Variants in RIF1 observed in about 807,000 individuals in gnomAD.
RIF1 encodes telomere-associated protein RIF1.
Under a neutral mutation model 247.1 loss-of-function variants are expected in RIF1, and 45 were observed. The observed-to-expected ratio is 0.18, with a 90% CI of 0.14 to 0.23. The LOEUF is 0.23. Ranked by LOEUF, RIF1 falls within the 10% of genes least tolerant of loss-of-function variation. RIF1 has a pLI of 1.00. For synonymous variants in RIF1, 1,087 were observed against 978.8 expected (o/e 1.11, Z -2.06); for missense variants, 2,967 against 2,862.5 (o/e 1.04, Z -0.83).
In RIF1 at chr2:151,481,041, G is replaced by A. The variant is rs543704476; in HGVS notation, c.*5970G>A. On this transcript the variant is annotated 3_prime_UTR_variant, in exon 36 of 36. Transcript: ENST00000444746. ...AGTATCCAGAAATAAAGTTTTATTG[G>A]AACAGCTGTGCTTATTGTCTTTAGC... 201 of 152,260 alleles carry A rather than the reference G, an allele frequency of 1.3e-3. 2 individuals are homozygous for A. Among genetic ancestry groups the A allele is most frequent in the African/African-American group, 4.7e-3 (195 of 41,546 alleles). The allele number at this position is 152,260 out of a possible 1,614,324, so 9.4% of individuals were successfully genotyped here. A position where few individuals can be genotyped will look rare whatever the true frequency, so the allele number is the denominator to read the frequency against.
At chr2:151,451,868 C>T (rs1266587035) in intron 21 of RIF1, among the ~76,000 whole-genome samples, 163 bp downstream of exon 21, 1 of 152,130 alleles carries the variant, frequency 6.6e-6, no homozygotes, top group East Asian at 1.9e-4. Context: ...TGTTCTCTCT[C>T]TTTTTTCTTT....
chr2:151,515,493 G>T, the RIF1 span, among the ~76,000 whole-genome samples: 1 of 152,084 alleles, frequency 6.6e-6, no homozygotes, highest in Non-Finnish European at 1.5e-5. Flanking sequence ...GACTACAGGT[G>T]TATGCCACCA....
chr2:151,440,088 C>A lies in RIF1; in HGVS notation c.1608C>A (p.Ser536Arg). 6.3e-7 allele frequency: 1 copy of A among 1,596,650 alleles called. No homozygotes were observed. Residue 536 changes from serine (S) to arginine (R), a missense_variant, in exon 15 of 36, where the codon AGC becomes AGA. Physicochemically the swap from Ser to Arg is moderately radical, Grantham distance 110. Transcript: ENST00000444746. The part of the protein sequence containing the change: ...VLTLLLKSLE[S>R]IVKSEVFPVS... ...CTCTCTTATTAAAGTCTTTGGAAAG[C>A]ATAGTAAAGTCTGAAGTATTTCCTG... is the stretch of plus-strand genomic sequence containing the variant.
Position 151,437,305 on chromosome 2 carries a change from C to T in RIF1, c.1437C>T (p.Ile479=). The T allele has an allele frequency of 6.2e-7, 1 of 1,613,964 alleles. No homozygotes were observed. Among genetic ancestry groups the T allele is most frequent in the African/African-American group, 1.3e-5 (1 of 75,024 alleles). The change falls in exon 13 of 36, where the codon ATC becomes ATT. Residue 479 remains isoleucine (I), a synonymous_variant. Transcript: ENST00000444746. The stretch of plus-strand genomic sequence containing the variant: ...TTTCCAAACATGCAAATACACTTAT[C>T]ACTGCTGTTCATGATAGCTTTGTTG... The part of the protein sequence containing the change: ...SFFSKHANTL[I]TAVHDSFVAV...
intron 9 of RIF1, among the ~76,000 whole-genome samples, chr2:151,432,085 T>C (rs1407668627): frequency 6.6e-6 from 1 of 152,150 alleles, no homozygotes; most frequent in African/African-American, 2.4e-5. Flanking sequence ...CTCAGCTCAC[T>C]GCAACCTCTG....
At chr2:151,426,319 C>T (rs13398484) in intron 8 of RIF1, among the ~76,000 whole-genome samples, 196 of 150,900 alleles carry the variant, frequency 1.3e-3, no homozygotes, top group Middle Eastern at 3.6e-3. Context: ...AGACTGCAGG[C>T]GCACGCCACC....
At chr2:151,469,504 A>G (rs534176126) in intron 33 of RIF1, among the ~76,000 whole-genome samples, 2 of 152,156 alleles carry the variant, frequency 1.3e-5, no homozygotes, top group African/African-American at 2.4e-5. Flanking sequence ...CAGTGGGCTC[A>G]TTCAGTTGCC....
chr2:151,416,944 A>T (rs1573861278), intron 6 of RIF1, 43 bp downstream of exon 6: 1 of 1,474,520 alleles, frequency 6.8e-7, no homozygotes. Flanking sequence ...TAGTTTTCAT[A>T]AATTTAGCTG....
At chr2:151,495,117 C>T (rs2152907042) in intron 9 of RIF1, 1 of 152,332 alleles carries the variant, frequency 6.6e-6, no homozygotes. Context: ...TTCAGCTTAT[C>T]ATTAAGGAAT....
In RIF1 at chr2:151,409,969, G is replaced by C. The variant is rs555680269; in HGVS notation, c.-75G>C. On this transcript the variant is annotated 5_prime_UTR_variant, in exon 1 of 36. Coordinates refer to ENST00000444746, the MANE Select transcript of RIF1 (RefSeq NM_018151.5). ...GTAAACAGCCGGAGCTGGGAAAGTC[G>C]AGCTCTGGCAGCGTCTGGGTGCTGA... 1.0e-4 allele frequency: 71 copies of C among 702,002 alleles called. 1 individual carries two copies. Among genetic ancestry groups the C allele is most frequent in the South Asian group, 9.5e-4 (64 of 67,152 alleles). The allele number at this position is 702,002 out of a possible 1,614,324, so 43.5% of individuals were successfully genotyped here. A position where few individuals can be genotyped will look rare whatever the true frequency, so the allele number is the denominator to read the frequency against.
At chr2:151,417,067 T>A (rs74733113) in intron 6 of RIF1, among the ~76,000 whole-genome samples, 166 bp downstream of exon 6, 29 of 152,304 alleles carry the variant, frequency 1.9e-4, no homozygotes, top group African/African-American at 7.0e-4. Context: ...GAAGTAGATA[T>A]GTGTGGGTTA....
intron 23 of RIF1, 140 bp from the exon 24 acceptor site, chr2:151,457,621 T>A (rs1574095886): frequency 1.7e-6 from 1 of 604,898 alleles, no homozygotes; most frequent in East Asian, 2.8e-5. Context: ...ATTTGTCGAG[T>A]TATAAAGAGG....
At position 151,463,104 on chromosome 2, in the gene RIF1, T is replaced by C. The variant is rs751292012; in HGVS notation, c.3584T>C (p.Phe1195Ser). 3.1e-6 allele frequency: 5 copies of C among 1,614,058 alleles called. No homozygotes were observed. The highest frequency in any genetic ancestry group is 2.2e-5 in the East Asian group (1 of 44,872). ...TGTGCATCTAGTACAGAAAATTCTT[T>C]CGTTGTCAGCAGTAGTTCAGTTTCT... is the stretch of plus-strand genomic sequence containing the variant. ...TECASSTENS[F>S]VVSSSSVSNT... Residue 1195 changes from phenylalanine (F) to serine (S), a missense_variant, in exon 30 of 36, where the codon TTC (phenylalanine) becomes TCC (serine). Coordinates refer to ENST00000444746, the MANE Select transcript of RIF1 (RefSeq NM_018151.5).
At chr2:151,488,537 T>A (rs2053168988) in intron 9 of RIF1, among the ~76,000 whole-genome samples, 1 of 151,840 alleles carries the variant, frequency 6.6e-6, no homozygotes, top group Non-Finnish European at 1.5e-5. Context: ...TCCTAGCTAT[T>A]CTGGTGGCTG....
chr2:151,525,706 A>T, the RIF1 span, among the ~76,000 whole-genome samples: 2 of 152,202 alleles, frequency 1.3e-5, no homozygotes, highest in Non-Finnish European at 2.9e-5. Flanking sequence ...TTCTGTTATT[A>T]ATAGGTTAGT....
the RIF1 span, chr2:151,531,817 G>A: frequency 5.0e-6 from 8 of 1,612,570 alleles, no homozygotes; most frequent in Non-Finnish European, 6.8e-6. Flanking sequence ...GTTGACTTTT[G>A]TAGTACGCAG....
intron 35 of RIF1, 101 bp from the exon 36 acceptor site, chr2:151,474,756 C>G (rs915834668): frequency 2.8e-6 from 2 of 707,216 alleles, no homozygotes; most frequent in African/African-American, 3.6e-5. Flanking sequence ...CCTGCTCTCT[C>G]AATTTGAAAC....
Position 151,468,100 on chromosome 2 carries a change from C to A in RIF1, c.6701C>A (p.Ser2234Tyr). The A allele has an allele frequency of 6.2e-7, 1 of 1,613,312 alleles. No individual in the cohort carries two copies. Among genetic ancestry groups the A allele is most frequent in the Non-Finnish European group, 8.5e-7 (1 of 1,179,512 alleles). ...SIVRSHSSNS[S>Y]PIGKSVKTSP... Reference sequence around the variant, plus strand: ...GTTAGGTCCCATTCTTCCAATAGTTCTCCCATAGGAAAAAGTGTTAAAACT... The same window carrying A: ...GTTAGGTCCCATTCTTCCAATAGTTATCCCATAGGAAAAAGTGTTAAAACT... Residue 2234 changes from serine (S) to tyrosine (Y), a missense_variant, in exon 31 of 36, where the codon TCT (serine) becomes TAT (tyrosine). Transcript: ENST00000444746.
chr2:151,484,465 G>A (rs531524591), downstream of RIF1, among the ~76,000 whole-genome samples: 9 of 152,246 alleles, frequency 5.9e-5, no homozygotes, highest in South Asian at 2.1e-4. Flanking sequence ...GAGTGGTGGC[G>A]CACGCCTGTA....
Sources: gnomAD v4.1 joint callset for allele counts (sites outside exome capture counted in the v4.1 genomes callset) on GRCh38, gnomAD v4.1.1 for gene constraint, MANE v1.5 for transcripts, NCBI Gene and HGNC (gene_info 2026-07-23, HGNC 2026-07-21) for gene names.